The following FRMPD2 variants were observed in gnomAD, a reference collection of about 807,000 sequenced individuals.
FRMPD2 encodes FERM and PDZ domain-containing protein 2.
In FRMPD2, 96 loss-of-function variants were observed where a neutral mutation model predicts 140.1. The ratio of observed to expected loss-of-function variants is 0.69; its 90% CI spans 0.58 to 0.81. The LOEUF is 0.81. Ranked by LOEUF, FRMPD2 falls within the 40% of genes least tolerant of loss-of-function variation. FRMPD2 has a pLI of 0.00. For synonymous variants in FRMPD2, 449 were observed against 547.6 expected (o/e 0.82, Z 2.52); for missense variants, 1,240 against 1,447.4 (o/e 0.86, Z 2.32).
intron 10 of FRMPD2, among the ~76,000 whole-genome samples, chr10:48,223,803 C>A (rs1260610268): frequency 6.6e-6 from 1 of 152,100 alleles, no homozygotes; most frequent in African/African-American, 2.4e-5. Context: ...AGTATGGGTC[C>A]CCCATGATGG....
chr10:48,223,405 C>T (rs1259648988), intron 10 of FRMPD2, 135 bp from the exon 11 acceptor site: 12 of 714,564 alleles, frequency 1.7e-5, no homozygotes, highest in African/African-American at 8.8e-5. Context: ...TAAGTCTTTG[C>T]GTACCTGGTA....
chr10:48,171,520 G>A (rs1269157466), intron 25 of FRMPD2, among the ~76,000 whole-genome samples: 30 of 152,400 alleles, frequency 2.0e-4, no homozygotes, highest in African/African-American at 5.0e-4. Flanking sequence ...GGTTAAATAC[G>A]CTATAATCGT....
upstream of FRMPD2, chr10:48,274,826 T>A (rs1229160890): frequency 4.1e-6 from 2 of 491,248 alleles, no homozygotes; most frequent in Non-Finnish European, 3.6e-6. Context: ...CCCAGCAGCC[T>A]GCGTCCTCAA....
chr10:48,188,569 G>A (rs1049609766), intron 16 of FRMPD2, among the ~76,000 whole-genome samples: 1 of 152,220 alleles, frequency 6.6e-6, no homozygotes. Flanking sequence ...TCCCCAGCCT[G>A]CTGTGGGATG....
intron 16 of FRMPD2, among the ~76,000 whole-genome samples, chr10:48,189,109 A>G (rs921902322): frequency 6.6e-6 from 1 of 152,194 alleles, no homozygotes; most frequent in African/African-American, 2.4e-5. Context: ...CACCATTTAA[A>G]AACATTTTAA....
At chr10:48,211,438 C>T (rs181087544) in intron 13 of FRMPD2, among the ~76,000 whole-genome samples, 2 of 152,260 alleles carry the variant, frequency 1.3e-5, no homozygotes, top group Non-Finnish European at 2.9e-5. Context: ...TCCTATGTGT[C>T]AACTATAAGA....
Position 48,201,230 on chromosome 10 carries a change from A to G in FRMPD2, c.1952T>C (p.Phe651Ser). 4 of 1,603,938 alleles carry G rather than the reference A, an allele frequency of 2.5e-6. No homozygotes were observed. The highest frequency in any genetic ancestry group is 3.4e-6 in the Non-Finnish European group (4 of 1,175,078). ...TGGAGAATACAGCTTCTACTCACCA[A>G]ATAAAACATGGGAAGGCTGCCCAGA... The part of the protein sequence containing the change: ...MGSGQPSHVL[F>S]DHDKFVQMAN... Residue 651 changes from phenylalanine to serine, a missense_variant and splice_region_variant, in exon 15 of 29, where the codon TTT (phenylalanine) becomes TCT (serine). Phe to Ser is a radical substitution (Grantham distance 155). Coordinates refer to ENST00000374201, the MANE Select transcript of FRMPD2 (RefSeq NM_001018071.4).
chr10:48,257,182 C>T (rs976996501), intron 1 of FRMPD2, among the ~76,000 whole-genome samples: 2 of 144,194 alleles, frequency 1.4e-5, no homozygotes, highest in African/African-American at 2.5e-5. Flanking sequence ...ATCTCCCAGT[C>T]TTTTTTTTTT....
intron 14 of FRMPD2, among the ~76,000 whole-genome samples, chr10:48,202,520 T>G (rs1488433038): frequency 1.3e-5 from 2 of 152,232 alleles, no homozygotes; most frequent in Non-Finnish European, 1.5e-5. Context: ...AGTATAGTGC[T>G]AAGCCTCCTT....
intron 1 of FRMPD2, among the ~76,000 whole-genome samples, chr10:48,258,141 T>C (rs1193573399): frequency 6.6e-6 from 1 of 152,244 alleles, no homozygotes; most frequent in Non-Finnish European, 1.5e-5. Context: ...CTTCTCCCTC[T>C]GGACATTTAT....
At chr10:48,222,170 ATG>A (rs1196712194) in intron 12 of FRMPD2, 141 bp downstream of exon 12, 26 of 735,078 alleles carry the variant, frequency 3.5e-5, no homozygotes, top group Non-Finnish European at 5.3e-5. Flanking sequence ...GGATGGATGG[ATG>A]GATAAATGTA....
intron 12 of FRMPD2, among the ~76,000 whole-genome samples, chr10:48,217,958 C>G (rs1158804454): frequency 6.6e-6 from 1 of 152,192 alleles, no homozygotes; most frequent in Non-Finnish European, 1.5e-5. Context: ...CAAATACTAA[C>G]TAGGGGGCTT....
intron 16 of FRMPD2, among the ~76,000 whole-genome samples, chr10:48,188,361 C>A (rs2131842903): frequency 1.3e-5 from 2 of 152,298 alleles, no homozygotes; most frequent in African/African-American, 4.8e-5. Context: ...GAGGAGAAGT[C>A]CAGCCTCACA....
chr10:48,222,205 G>A, intron 12 of FRMPD2, 108 bp downstream of exon 12: 1 of 1,102,686 alleles, frequency 9.1e-7, no homozygotes, highest in South Asian at 1.6e-5. Flanking sequence ...CTAGCTGGTA[G>A]ATGCTAACAA....
At chr10:48,173,361 T>G (rs1405427643) in intron 24 of FRMPD2, among the ~76,000 whole-genome samples, 1 of 152,016 alleles carries the variant, frequency 6.6e-6, no homozygotes, top group East Asian at 1.9e-4. Flanking sequence ...CTTCCCCTCC[T>G]CGTTCTTCCT....
chr10:48,260,189 GTAGA>G (rs752771576), intron 1 of FRMPD2, among the ~76,000 whole-genome samples: 9 of 151,874 alleles, frequency 5.9e-5, no homozygotes, highest in Non-Finnish European at 1.2e-4. Context: ...ATATATATAT[GTAGA>G]TAGATAGATC....
rs111716649 is a variant in FRMPD2, at chr10:48,247,340, A to G, written c.309+1681T>C. 3.3e-3 allele frequency among the ~76,000 whole-genome samples: 500 copies of G among 152,366 alleles called. 15 individuals carry two copies. Among genetic ancestry groups the G allele is most frequent in the Admixed American group, 0.029 (449 of 15,304 alleles). ...CACTCAAATCTGTGTTAGCTCAGGT[A>G]CATCAGAAAGTGGAGCCTGAGGCAA... On this transcript the variant is annotated intron_variant, in intron 3 of 28. Coordinates refer to ENST00000374201, the MANE Select transcript of FRMPD2 (RefSeq NM_001018071.4).
intron 1 of FRMPD2, among the ~76,000 whole-genome samples, chr10:48,261,227 T>C (rs1409970233): frequency 6.6e-6 from 1 of 151,728 alleles, no homozygotes; most frequent in Non-Finnish European, 1.5e-5. Flanking sequence ...ATAGAAAAAA[T>C]TTGAATAATG....
rs368627173 is a variant in FRMPD2, at chr10:48,242,146, C to A, written c.567+15G>T. On this transcript the variant is annotated intron_variant, in intron 5 of 28. Coordinates refer to ENST00000374201, the MANE Select transcript of FRMPD2 (RefSeq NM_001018071.4). Reference sequence around the variant, plus strand: ...ACCAGCAGCTACTGCTTGAAAAGCACGGTTCTCTACTGACCTCAGAAATGG... The same window carrying A: ...ACCAGCAGCTACTGCTTGAAAAGCAAGGTTCTCTACTGACCTCAGAAATGG... 235 of 1,552,426 alleles carry A rather than the reference C, an allele frequency of 1.5e-4. No homozygotes were observed. Among genetic ancestry groups the A allele is most frequent in the Non-Finnish European group, 1.9e-4 (216 of 1,143,958 alleles).
Sources: gnomAD v4.1 joint callset for allele counts (sites outside exome capture counted in the v4.1 genomes callset) on GRCh38, gnomAD v4.1.1 for gene constraint, MANE v1.5 for transcripts, NCBI Gene and HGNC (gene_info 2026-07-23, HGNC 2026-07-21) for gene names.